PKD1L3: variants seen among roughly 807,000 people sequenced by gnomAD.
The protein encoded by PKD1L3 is polycystin-1-like protein 3.
PKD1L3 carries 239 observed loss-of-function variants against 184.1 expected under a neutral mutation model. That is an observed-to-expected ratio of 1.30 (90% CI 1.17 to 1.45). PKD1L3 has a LOEUF of 1.45. Ranked by LOEUF, PKD1L3 falls within the 40% of genes most tolerant of loss-of-function variation. The pLI, the probability that PKD1L3 is intolerant of heterozygous loss-of-function variation, is 0.00. For synonymous variants in PKD1L3, 996 were observed against 778.8 expected, an observed-to-expected ratio of 1.28 and a Z score of -4.64; for missense variants, 2,660 against 2,067.2, an observed-to-expected ratio of 1.29 and a Z score of -5.56.
rs966726723 is a variant in PKD1L3 at position 71,929,711 on chromosome 16, A to C, written c.5059-33T>G. The C allele has an allele frequency of 5.3e-6, 8 of 1,500,812 alleles. No individual in the cohort carries two copies. In the East Asian group the frequency reaches 1.5e-4, roughly 28 times the overall value. 93.0% of individuals were successfully genotyped at this position (1,500,812 alleles called of 1,614,324 possible). On this transcript the variant is annotated intron_variant, in intron 29 of 29. Coordinates refer to ENST00000620267, the MANE Select transcript of PKD1L3 (RefSeq NM_181536.2). ...TTGAAGACAAAAAGAGAAAAGTGAG[A>C]AAATTGAAATTACTGCTAATAGTGG...
chr16:71,973,350 G>C lies in PKD1L3; in HGVS notation c.1927C>G (p.Gln643Glu). 1 of 1,551,678 alleles carries C rather than the reference G, an allele frequency of 6.4e-7. No homozygotes were observed. The highest frequency in any genetic ancestry group is 8.7e-7 in the Non-Finnish European group (1 of 1,146,996). Residue 643 changes from glutamine (Q) to glutamate (E), a missense_variant, in exon 12 of 30, where the codon CAG becomes GAG. Coordinates refer to ENST00000620267, the MANE Select transcript of PKD1L3 (RefSeq NM_181536.2). ...TQCYYWEIHNQTWSSAGCQVG... is the reference protein window; with the variant it reads ...TQCYYWEIHNETWSSAGCQVG... ...TGGCATCCGGCGCTGCTCCATGTCT[G>C]GTTGTGGATCTCCCAGTAGTAACAC...
intron 6 of PKD1L3, 41 bp from the exon 7 acceptor site, chr16:71,982,276 TG>T: frequency 6.0e-6 from 7 of 1,175,268 alleles, no homozygotes; most frequent in South Asian, 4.1e-5. Context: ...TTGAATTGTT[TG>T]CTTTTTTTTT....
chr16:71,956,184 ATT>A lies in PKD1L3; in HGVS notation c.2613-1885_2613-1884del, dbSNP rs35268514. ...ATCATTTAGCTTTAAAAAGGAAGGA[ATT>A]TTTTTTTTTTTTTTTTTTTTTTGTG... is the stretch of plus-strand genomic sequence containing the variant. On this transcript the variant is annotated intron_variant, in intron 16 of 29. Coordinates refer to ENST00000620267, the MANE Select transcript of PKD1L3 (RefSeq NM_181536.2). 6.8e-3 allele frequency among the ~76,000 whole-genome samples: 562 copies of A among 82,732 alleles called. 1 individual carries two copies. The highest frequency in any genetic ancestry group is 8.9e-3 in the Middle Eastern group (1 of 112). 54.3% of individuals were successfully genotyped at this position (82,732 alleles called of 152,430 possible).
intron 3 of PKD1L3, among the ~76,000 whole-genome samples, chr16:71,991,876 A>G (rs1270361208): frequency 6.6e-6 from 1 of 152,234 alleles, no homozygotes; most frequent in African/African-American, 2.4e-5. Flanking sequence ...GGAGTGCGGT[A>G]TGGCTCTAAC....
chr16:71,942,302 C>T (rs905310551), intron 24 of PKD1L3, among the ~76,000 whole-genome samples: 3 of 152,142 alleles, frequency 2.0e-5, no homozygotes, highest in African/African-American at 7.2e-5. Context: ...CACTGCACTC[C>T]AGCCTGGGCG....
chr16:71,965,833 C>T (rs1447874795), intron 15 of PKD1L3, among the ~76,000 whole-genome samples: 4 of 152,058 alleles, frequency 2.6e-5, no homozygotes, highest in African/African-American at 7.2e-5. Context: ...GGATTACAGG[C>T]GTGAGCCACT....
rs939999729 is a variant in PKD1L3, at chr16:71,942,870, G to A, written c.4014C>T (p.Ile1338=). ...AATCCCCATACAGGCTAGGAAGAAG[G>A]ATATGATTGGCCCAGGGGTAGAAAT... ...LQDFYPWANH[I]LLPSLYGDYR... is the part of the protein sequence containing the mutation. Residue 1338 remains isoleucine, a synonymous_variant, in exon 24 of 30, where the codon ATC becomes ATT. Coordinates refer to ENST00000620267, the MANE Select transcript of PKD1L3 (RefSeq NM_181536.2). 8.4e-6 allele frequency: 13 copies of A among 1,551,630 alleles called. No individual in the cohort carries two copies. Among genetic ancestry groups the A allele is most frequent in the East Asian group, 2.4e-5 (1 of 40,918 alleles).
rs185560924 is a variant in PKD1L3, at chr16:71,941,729, C to T, written c.4324+831G>A. Among the ~76,000 whole-genome samples the T allele has an allele frequency of 4.4e-3, 666 of 151,630 alleles. 8 individuals are homozygous for T. Among genetic ancestry groups the T allele is most frequent in the African/African-American group, 0.014 (585 of 41,318 alleles). On this transcript the variant is annotated intron_variant, in intron 24 of 29. Transcript: ENST00000620267. The stretch of plus-strand genomic sequence containing the variant: ...CCTCCCGAATAGTTGGGACTGCAGG[C>T]GCGAGCCACCATGCCTGGGTAATTT...
intron 23 of PKD1L3, among the ~76,000 whole-genome samples, 192 bp downstream of exon 23, chr16:71,943,838 C>A (rs2038456187): frequency 6.6e-6 from 1 of 152,212 alleles, no homozygotes. Context: ...ACAATAAAAC[C>A]TCTAGACTCC....
intron 24 of PKD1L3, among the ~76,000 whole-genome samples, chr16:71,941,665 A>G (rs2038366062): frequency 6.9e-6 from 1 of 145,722 alleles, no homozygotes; most frequent in Admixed American, 7.2e-5. Flanking sequence ...GCTCACTGCA[A>G]CCTCCACCTC....
chr16:71,976,011 A>G (rs547242674), intron 11 of PKD1L3, among the ~76,000 whole-genome samples: 1 of 151,292 alleles, frequency 6.6e-6, no homozygotes, highest in Non-Finnish European at 1.5e-5. Flanking sequence ...GCAGTGGCAC[A>G]ATCTCAGCTC....
At position 71,967,199 on chromosome 16, in the gene PKD1L3, G is replaced by A; in HGVS notation, c.2403C>T (p.Thr801=). Residue 801 remains threonine, a synonymous_variant, in exon 15 of 30, where the codon ACC becomes ACT. Coordinates refer to ENST00000620267, the MANE Select transcript of PKD1L3 (RefSeq NM_181536.2). The stretch of plus-strand genomic sequence containing the variant: ...GAAGGCTGTGCAGGTTCCCTAGAGA[G>A]GTCCAAGTGGTGAGAAGGAAGACAT... ...GLDVFLLTTW[T]SLGNLHSLRL... The A allele has an allele frequency of 1.9e-6, 3 of 1,551,720 alleles. No homozygotes were observed. Among genetic ancestry groups the A allele is most frequent in the South Asian group, 1.2e-5 (1 of 84,064 alleles).
chr16:71,939,645 G>C (rs2038293747), intron 24 of PKD1L3, among the ~76,000 whole-genome samples: 1 of 152,100 alleles, frequency 6.6e-6, no homozygotes, highest in Non-Finnish European at 1.5e-5. Context: ...TGCTTCATTA[G>C]AAACAAGCAT....
Position 71,930,131 on chromosome 16 carries a change from A to G in PKD1L3, c.4979T>C (p.Ile1660Thr), listed in dbSNP as rs751741055. Residue 1660 changes from isoleucine (I) to threonine (T), a missense_variant, in exon 29 of 30, where the codon ATC (isoleucine) becomes ACC (threonine). Ile to Thr is a moderately conservative substitution (Grantham distance 89). Coordinates refer to ENST00000620267, the MANE Select transcript of PKD1L3 (RefSeq NM_181536.2). ...LGTFLILTSV[I>T]LMVLVVINLF... is the part of the protein sequence containing the mutation. ...ATTAATTACCACAAGTACCATCAAGATGACACTGGTGAGGATCAGAAAGGT... is the reference window on the plus strand; with the variant it reads ...ATTAATTACCACAAGTACCATCAAGGTGACACTGGTGAGGATCAGAAAGGT... 3 of 1,551,722 alleles carry G rather than the reference A, an allele frequency of 1.9e-6. No homozygotes were observed. Among genetic ancestry groups the G allele is most frequent in the African/African-American group, 1.4e-5 (1 of 73,168 alleles).
At position 71,936,397 on chromosome 16, in the gene PKD1L3, T is replaced by G. The variant is rs149116306; in HGVS notation, c.4453-879A>C. Among the ~76,000 whole-genome samples, 10 of 152,114 alleles carry G rather than the reference T, an allele frequency of 6.6e-5. No individual in the cohort carries two copies. The East Asian group carries it at 1.9e-3, about 29-fold the overall frequency. On this transcript the variant is annotated intron_variant, in intron 25 of 29. Coordinates refer to ENST00000620267, the MANE Select transcript of PKD1L3 (RefSeq NM_181536.2). Reference sequence around the variant, plus strand: ...TTTGTATTTTTAGTAGAGACAGGGTTTCGCCATGTTGGCCAGGCTGGTCTT... The same window carrying G: ...TTTGTATTTTTAGTAGAGACAGGGTGTCGCCATGTTGGCCAGGCTGGTCTT...
rs1232307892 is a variant in PKD1L3 at position 71,949,774 on chromosome 16, C to T, written c.3618+9G>A. On this transcript the variant is annotated intron_variant, in intron 21 of 29. Transcript: ENST00000620267. ...GCAACTCCAATGGTTCTTCCCATCC[C>T]TCACATACCTTTACTGGCTGGCTGA... The T allele has an allele frequency of 6.5e-7, 1 of 1,547,408 alleles. No homozygotes were observed. Among genetic ancestry groups the T allele is most frequent in the Non-Finnish European group, 8.7e-7 (1 of 1,144,470 alleles).
At chr16:71,977,160 C>A in intron 11 of PKD1L3, 76 bp downstream of exon 11, 1 of 1,146,196 alleles carries the variant, frequency 8.7e-7, no homozygotes, top group Non-Finnish European at 1.3e-6. Flanking sequence ...CTGCAGTCAA[C>A]AATGATGGTG....
chr16:71,994,941 T>A (rs2040730956), intron 2 of PKD1L3, among the ~76,000 whole-genome samples: 1 of 151,884 alleles, frequency 6.6e-6, no homozygotes, highest in Non-Finnish European at 1.5e-5. Flanking sequence ...TGAGCCAAGA[T>A]CACGCCATTA....
At chr16:71,995,035 T>C (rs972591056) in intron 2 of PKD1L3, among the ~76,000 whole-genome samples, 1 of 152,156 alleles carries the variant, frequency 6.6e-6, no homozygotes, top group Non-Finnish European at 1.5e-5. Flanking sequence ...ATTGCTTTAG[T>C]CTGTTTTGCA....
Sources: gnomAD v4.1 joint callset for allele counts (sites outside exome capture counted in the v4.1 genomes callset) on GRCh38, gnomAD v4.1.1 for gene constraint, MANE v1.5 for transcripts, NCBI Gene and HGNC (gene_info 2026-07-23, HGNC 2026-07-21) for gene names.